ZNF451: variants seen among roughly 807,000 people sequenced by gnomAD.
ZNF451 encodes zinc finger protein 451, also known as E3 SUMO-protein ligase ZNF451.
In ZNF451, 80 loss-of-function variants were observed where a neutral mutation model predicts 107.1. The ratio of observed to expected loss-of-function variants is 0.75; its 90% CI spans 0.62 to 0.90. ZNF451 has a LOEUF of 0.90. ZNF451 is among the 40% of genes least tolerant of loss of function. The pLI, the probability that ZNF451 is intolerant of heterozygous loss-of-function variation, is 0.00. For missense variants in ZNF451, 1,107 were observed against 1,236.2 expected (o/e 0.90, Z 1.57); for synonymous variants, 362 against 406.5 (o/e 0.89, Z 1.32).
intron 3 of ZNF451, chr6:57,107,676 G>C (rs1829928993): frequency 1.0e-6 from 1 of 985,170 alleles, no homozygotes; most frequent in South Asian, 4.7e-5. Flanking sequence ...TATTTCAAAT[G>C]GTCTGTTGGG....
chr6:57,117,079 C>T lies in ZNF451; in HGVS notation c.187-7655C>T, dbSNP rs551348142. ...GTGTTGTGAAAGAGAATAAACAGAT[C>T]AGCAGAATTAGTAGAGAATAACAGA... On this transcript the variant is annotated intron_variant, in intron 3 of 14. Coordinates refer to ENST00000370706, the MANE Select transcript of ZNF451 (RefSeq NM_001031623.3). Among the ~76,000 whole-genome samples, 7 of 152,246 alleles carry T rather than the reference C, an allele frequency of 4.6e-5. No homozygotes were observed. In the South Asian group the frequency reaches 1.5e-3, roughly 32 times the overall value.
At chr6:57,115,438 T>C (rs1437185682) in intron 3 of ZNF451, 1 of 152,228 alleles carries the variant, frequency 6.6e-6, no homozygotes, top group Non-Finnish European at 1.5e-5. Flanking sequence ...TAAACGTTGT[T>C]TAGAAGTGTT....
rs938713091 is a variant in ZNF451 at position 57,136,699 on chromosome 6, C to A, written c.702+1829C>A. Among the ~76,000 whole-genome samples, 14 of 152,286 alleles carry A rather than the reference C, an allele frequency of 9.2e-5. No homozygotes were observed. The East Asian group carries it at 2.7e-3, about 29-fold the overall frequency. ...CAGGACATGTTTCCCTATTCATATA[C>A]TGAGTGTTTTCTCTACTATAATGAG... On this transcript the variant is annotated intron_variant, in intron 7 of 14. Transcript: ENST00000370706.
rs1319382155 is a variant in ZNF451 at position 57,150,782 on chromosome 6, T to C, written c.2672T>C (p.Val891Ala). Residue 891 changes from valine (V) to alanine (A), a missense_variant, in exon 11 of 15, where the codon GTA (valine) becomes GCA (alanine). Val to Ala is a moderately conservative substitution (Grantham distance 64, BLOSUM62 0). This residue lies in a region of ZNF451 where 608 missense variants were observed against 649.2 expected (regional missense o/e 0.94). Coordinates refer to ENST00000370706, the MANE Select transcript of ZNF451 (RefSeq NM_001031623.3). ...CGAACCATGACTCATATAGTCTTTG[T>C]AGATTTTGATAACTGGTCAAACTTT... The part of the protein sequence containing the change: ...YLRTMTHIVF[V>A]DFDNWSNFFG... 1 of 1,614,082 alleles carries C rather than the reference T, an allele frequency of 6.2e-7. No individual in the cohort carries two copies. The highest frequency in any genetic ancestry group is 1.1e-5 in the South Asian group (1 of 91,074).
At chr6:57,140,095 G>T (rs768544721) in intron 7 of ZNF451, among the ~76,000 whole-genome samples, 1 of 151,986 alleles carries the variant, frequency 6.6e-6, no homozygotes, top group Admixed American at 6.6e-5. Flanking sequence ...ATGAGGCAGA[G>T]AATTAATTTC....
At position 57,163,436 on chromosome 6, in the gene ZNF451, C is replaced by CTTTTTTTTTTTTTTT. The variant is rs398001706; in HGVS notation, c.3139+2302_3139+2316dup. ...AATGGTTGCTTGTTAAATGAATAAA[C>CTTTTTTTTTTTTTTT]TTTTTTTTTTTTTTTTTTTTTTTTT... On this transcript the variant is annotated intron_variant, in intron 14 of 14. Coordinates refer to ENST00000370706, the MANE Select transcript of ZNF451 (RefSeq NM_001031623.3). Among the ~76,000 whole-genome samples, 76 of 30,340 alleles carry CTTTTTTTTTTTTTTT rather than the reference C, an allele frequency of 2.5e-3. 24 individuals are homozygous for CTTTTTTTTTTTTTTT. Among genetic ancestry groups the CTTTTTTTTTTTTTTT allele is most frequent in the African/African-American group, 2.7e-3 (23 of 8,574 alleles). The allele number at this position is 30,340 out of a possible 152,430, so 19.9% of individuals were successfully genotyped here. A position where few individuals can be genotyped will look rare whatever the true frequency, so the allele number is the denominator to read the frequency against.
At chr6:57,116,209 T>C (rs1830358060) in intron 3 of ZNF451, 1 of 152,196 alleles carries the variant, frequency 6.6e-6, no homozygotes, top group Non-Finnish European at 1.5e-5. Flanking sequence ...TGCTAAGAAT[T>C]GAGTGGCCCC....
chr6:57,157,095 A>G (rs1352123571), intron 13 of ZNF451, among the ~76,000 whole-genome samples: 5 of 152,198 alleles, frequency 3.3e-5, no homozygotes, highest in Non-Finnish European at 7.3e-5. Context: ...TTGTTATTAT[A>G]TAGCCAGGCT....
chr6:57,146,294 T>C (rs554198263), intron 9 of ZNF451, among the ~76,000 whole-genome samples: 1 of 152,274 alleles, frequency 6.6e-6, no homozygotes, highest in South Asian at 2.1e-4. Context: ...CATTTGTCTA[T>C]TTTAGGGCTT....
At chr6:57,161,423 T>C (rs890943299) in intron 14 of ZNF451, among the ~76,000 whole-genome samples, 5 of 152,176 alleles carry the variant, frequency 3.3e-5, no homozygotes, top group Non-Finnish European at 7.4e-5. Flanking sequence ...GTATTGTCTA[T>C]GCTATTGCTT....
In ZNF451 at chr6:57,102,097, TAACCTGTTTAATGTTCAGCAG is replaced by T. The variant is rs773375017; in HGVS notation, c.186+2958_186+2978del. ...AGAACGCCATGGGTACAAGAATTAA[TAACCTGTTTAATGTTCAGCAG>T]AGTAGTCATTCAAGATCCTAACTAT... On this transcript the variant is annotated intron_variant, in intron 3 of 14. Coordinates refer to ENST00000370706, the MANE Select transcript of ZNF451 (RefSeq NM_001031623.3). 7 of 1,495,594 alleles carry T rather than the reference TAACCTGTTTAATGTTCAGCAG, an allele frequency of 4.7e-6. No individual in the cohort carries two copies. The South Asian group carries it at 9.5e-5, about 20-fold the overall frequency. 92.6% of individuals were successfully genotyped at this position (1,495,594 alleles called of 1,614,324 possible). A position where few individuals can be genotyped will look rare whatever the true frequency, so the allele number is the denominator to read the frequency against.
At position 57,134,775 on chromosome 6, in the gene ZNF451, A is replaced by G; in HGVS notation, c.607A>G (p.Thr203Ala). The G allele has an allele frequency of 1.9e-6, 3 of 1,613,326 alleles. No homozygotes were observed. Among genetic ancestry groups the G allele is most frequent in the Non-Finnish European group, 2.5e-6 (3 of 1,179,720 alleles). ...TCACTCTCCATGTGATCCAACAATTACACTACATGGACCTTTCTTCAGCTC... is the reference window on the plus strand; with the variant it reads ...TCACTCTCCATGTGATCCAACAATTGCACTACATGGACCTTTCTTCAGCTC... ...FDHSPCDPTI[T>A]LHGPFFSSFA... Residue 203 changes from threonine to alanine, a missense_variant, in exon 7 of 15, where the codon ACA becomes GCA. Physicochemically the swap from Thr to Ala is moderately conservative, Grantham distance 58. Transcript: ENST00000370706.
In ZNF451 at chr6:57,153,870, C is replaced by A; in HGVS notation, c.2893C>A (p.Leu965Ile). Residue 965 changes from leucine to isoleucine, a missense_variant, in exon 13 of 15, where the codon CTA becomes ATA. Transcript: ENST00000370706. ...ATTTGTTCTAACTTAGGCTGGCCGT[C>A]TAGATGAACAACTACCCAAGCAAAT... ...DFAICMHAGR[L>I]DEQLPKQIPF... 6.2e-7 allele frequency: 1 copy of A among 1,614,128 alleles called. No homozygotes were observed. Among genetic ancestry groups the A allele is most frequent in the Non-Finnish European group, 8.5e-7 (1 of 1,180,024 alleles).
chr6:57,099,343 A>G, intron 3 of ZNF451: 1 of 648,008 alleles, frequency 1.5e-6, no homozygotes, highest in East Asian at 2.7e-5. Context: ...AGATTATGAA[A>G]AAAATGATAA....
Position 57,148,610 on chromosome 6 carries a change from G to A in ZNF451, c.2525G>A (p.Arg842Lys), listed in dbSNP as rs759542524. 3.1e-6 allele frequency: 5 copies of A among 1,614,028 alleles called. No homozygotes were observed. In the South Asian group the frequency reaches 5.5e-5, roughly 18 times the overall value. The change falls in exon 10 of 15, where the codon AGA (arginine) becomes AAA (lysine). Residue 842 changes from arginine (R) to lysine (K), a missense_variant. Physicochemically the swap from Arg to Lys is conservative, Grantham distance 26 (BLOSUM62 2). Transcript: ENST00000370706. ...ACTGCTAGTGCCTCACATACAGAGA[G>A]AAAACTGAAACAGGCAATAAACTAT... is the stretch of plus-strand genomic sequence containing the variant. Reference protein sequence around the residue: ...KFTASASHTERKLKQAINYSK... With the variant: ...KFTASASHTEKKLKQAINYSK...
intron 12 of ZNF451, among the ~76,000 whole-genome samples, chr6:57,153,536 C>T (rs942556227): frequency 2.0e-5 from 3 of 151,636 alleles, no homozygotes; most frequent in Non-Finnish European, 4.4e-5. Flanking sequence ...TGGAGAATCC[C>T]GAGTAGTTGG....
At chr6:57,104,121 C>A in intron 3 of ZNF451, 1 of 984,632 alleles carries the variant, frequency 1.0e-6, no homozygotes, top group African/African-American at 1.7e-5. Context: ...AATTTTATTT[C>A]CACTTCTGTA....
intron 3 of ZNF451, chr6:57,104,532 C>T (rs1471214887): frequency 1.7e-5 from 17 of 985,084 alleles, no homozygotes; most frequent in South Asian, 4.7e-5. Context: ...CCTGAGAATG[C>T]GTTTGTCTGA....
chr6:57,165,064 C>T (rs563375661), intron 14 of ZNF451: 2 of 152,170 alleles, frequency 1.3e-5, no homozygotes, highest in South Asian at 2.1e-4. Context: ...AATTCTTGAT[C>T]GACATTCTTA....
Sources: allele counts gnomAD v4.1 joint callset (sites outside exome capture counted in the v4.1 genomes callset), GRCh38; gene constraint gnomAD v4.1.1; regional missense constraint gnomAD v4.1.1; transcripts MANE v1.5; gene names NCBI Gene and HGNC (gene_info 2026-07-23, HGNC 2026-07-21).